Variants in LETM1 observed in about 807,000 individuals in gnomAD.
LETM1 encodes the protein leucine zipper and EF-hand containing transmembrane protein 1, also known as mitochondrial proton/calcium exchanger protein.
A neutral mutation model predicts 74.5 loss-of-function variants in LETM1; 50 were observed. The ratio of observed to expected loss-of-function variants is 0.67; its 90% CI spans 0.53 to 0.85. The LOEUF is 0.85. LETM1 is among the 40% of genes least tolerant of loss of function. LETM1 has a pLI of 0.00. For synonymous variants in LETM1, 446 were observed against 407.1 expected (o/e 1.10, Z -1.15); for missense variants, 824 against 967.8 (o/e 0.85, Z 1.97).
intron 6 of LETM1, among the ~76,000 whole-genome samples, chr4:1,827,285 T>C (rs1413467647): frequency 3.3e-5 from 5 of 150,656 alleles, no homozygotes; most frequent in Non-Finnish European, 7.4e-5. Flanking sequence ...TTTTTTTTTT[T>C]TTTTTTTTTA....
chr4:1,835,963 C>G (rs1346269511), intron 4 of LETM1, among the ~76,000 whole-genome samples: 1 of 152,164 alleles, frequency 6.6e-6, no homozygotes, highest in East Asian at 1.9e-4. Context: ...GTAGTCCCAG[C>G]TATTCGGGAG....
intron 12 of LETM1, 98 bp downstream of exon 12, chr4:1,816,629 C>A (rs539327481): frequency 9.2e-6 from 11 of 1,193,208 alleles, no homozygotes; most frequent in Admixed American, 4.3e-5. Context: ...CTACAATGTG[C>A]CCTTTGGAGC....
chr4:1,825,536 G>A (rs756578415), intron 7 of LETM1, 28 bp downstream of exon 7: 1 of 1,594,104 alleles, frequency 6.3e-7, no homozygotes, highest in East Asian at 2.3e-5. Context: ...GCCCGTGCCG[G>A]CCTGGCACCA....
Position 1,816,730 on chromosome 4 carries a change from G to C in LETM1, c.1928C>G (p.Thr643Arg). ...GKLAPANGMP[T>R]GENVISVAEL... ...CCGCGCCCACCACCCCACTCACCCC[G>C]TGGGCATGCCGTTGGCCGGGGCCAG... Residue 643 changes from threonine (T) to arginine (R), a missense_variant, in exon 12 of 14, where the codon ACG (threonine) becomes AGG (arginine). Physicochemically the swap from Thr to Arg is moderately conservative, Grantham distance 71. Around this residue, in one of 4 missense-constraint regions of LETM1, gnomAD observed 161 missense variants for 252.7 expected, o/e 0.64. Coordinates refer to ENST00000302787, the MANE Select transcript of LETM1 (RefSeq NM_012318.3). The C allele has an allele frequency of 6.2e-7, 1 of 1,613,844 alleles. No homozygotes were observed. Among genetic ancestry groups the C allele is most frequent in the Non-Finnish European group, 8.5e-7 (1 of 1,179,788 alleles).
chr4:1,821,986 G>A (rs1711795142), intron 10 of LETM1, among the ~76,000 whole-genome samples, 195 bp downstream of exon 10: 1 of 152,204 alleles, frequency 6.6e-6, no homozygotes, highest in Non-Finnish European at 1.5e-5. Flanking sequence ...GCGGAGCCCG[G>A]CCGGACTCAC....
chr4:1,824,775 G>A (rs1219152154), intron 7 of LETM1, among the ~76,000 whole-genome samples: 1 of 152,254 alleles, frequency 6.6e-6, no homozygotes, highest in Non-Finnish European at 1.5e-5. Flanking sequence ...AGCTCCAGAA[G>A]GCTGGGCAGA....
chr4:1,835,826 A>G (rs573909618), intron 4 of LETM1, among the ~76,000 whole-genome samples: 7 of 152,206 alleles, frequency 4.6e-5, no homozygotes, highest in African/African-American at 1.7e-4. Flanking sequence ...CACACCCATA[A>G]TAACACTTTG....
At chr4:1,827,950 C>T (rs1156323292) in intron 6 of LETM1, among the ~76,000 whole-genome samples, 1 of 135,582 alleles carries the variant, frequency 7.4e-6, no homozygotes, top group Non-Finnish European at 1.6e-5. Flanking sequence ...CCGGATGGGG[C>T]GGCTGGCCGG....
chr4:1,850,633 ACT>A (rs1248654921), intron 1 of LETM1, among the ~76,000 whole-genome samples: 4 of 134,558 alleles, frequency 3.0e-5, no homozygotes, highest in South Asian at 2.3e-4. Context: ...ACAGAGCAAG[ACT>A]CTGTCTCAGA....
intron 13 of LETM1, among the ~76,000 whole-genome samples, chr4:1,815,398 A>T (rs1222920051): frequency 6.6e-6 from 1 of 152,192 alleles, no homozygotes; most frequent in Admixed American, 6.5e-5. Flanking sequence ...CAGTGCCACC[A>T]GCTGGGGGCG....
chr4:1,836,579 G>A lies in LETM1; in HGVS notation c.595-7C>T. 1 of 1,613,684 alleles carries A rather than the reference G, an allele frequency of 6.2e-7. No individual in the cohort carries two copies. Among genetic ancestry groups the A allele is most frequent in the African/African-American group, 1.3e-5 (1 of 74,996 alleles). On this transcript the variant is annotated splice_polypyrimidine_tract_variant and splice_region_variant and intron_variant, in intron 3 of 13. Coordinates refer to ENST00000302787, the MANE Select transcript of LETM1 (RefSeq NM_012318.3). The surrounding 1 kb of genome is among the most constrained non-coding windows in gnomAD (Gnocchi z 5.8). ...CAGCGCAGATCCGGAGAAACTGGAA[G>A]GGGCGGAATCCATCAGAGGGGAGCA...
chr4:1,841,230 A>C, intron 3 of LETM1, 117 bp downstream of exon 3: 4 of 884,860 alleles, frequency 4.5e-6, no homozygotes, highest in Admixed American at 5.3e-5. Context: ...CTGTGGTCCC[A>C]GATACTCGGG....
At chr4:1,825,827 G>T in intron 6 of LETM1, 144 bp from the exon 7 acceptor site, 2 of 909,926 alleles carry the variant, frequency 2.2e-6, no homozygotes, top group South Asian at 3.4e-5. Context: ...TTCTAGGTTA[G>T]AAGTGACTGG....
intron 7 of LETM1, among the ~76,000 whole-genome samples, chr4:1,825,139 G>C (rs976206491): frequency 6.6e-6 from 1 of 152,192 alleles, no homozygotes; most frequent in African/African-American, 2.4e-5. Context: ...CCAGCACAGG[G>C]CGTGGCCAAG....
In LETM1 at chr4:1,826,642, G is replaced by A. The variant is rs561684337; in HGVS notation, c.1081-959C>T. Among the ~76,000 whole-genome samples the A allele has an allele frequency of 1.2e-4, 18 of 152,364 alleles. No individual in the cohort carries two copies. In the South Asian group the frequency reaches 2.7e-3, roughly 23 times the overall value. On this transcript the variant is annotated intron_variant, in intron 6 of 13. Transcript: ENST00000302787. ...CCACTGGGGGTGCTATGGGTGTGCC[G>A]GGTTAGGCCTCTCACTGCCATGCGG...
intron 10 of LETM1, 74 bp from the exon 11 acceptor site, chr4:1,819,546 C>T: frequency 6.6e-7 from 1 of 1,512,270 alleles, no homozygotes; most frequent in Non-Finnish European, 8.9e-7. Context: ...TGACCAGCTG[C>T]TCTGTTCATA....
At chr4:1,827,445 G>C (rs1712038110) in intron 6 of LETM1, among the ~76,000 whole-genome samples, 1 of 117,172 alleles carries the variant, frequency 8.5e-6, no homozygotes, top group Non-Finnish European at 1.7e-5. Flanking sequence ...GCCTTCCGCA[G>C]TGTTTGTGTC....
At chr4:1,831,354 T>G (rs1294695018) in intron 6 of LETM1, among the ~76,000 whole-genome samples, 2 of 152,196 alleles carry the variant, frequency 1.3e-5, no homozygotes, top group Non-Finnish European at 1.5e-5. Flanking sequence ...TTGCTACCGC[T>G]GGGAACGGGT....
chr4:1,819,243 A>G (rs1485341674), intron 11 of LETM1, 95 bp downstream of exon 11: 1 of 1,280,742 alleles, frequency 7.8e-7, no homozygotes, highest in Non-Finnish European at 1.1e-6. Context: ...CAGCTTATCA[A>G]GTATCTGACG....
Sources: allele counts gnomAD v4.1 joint callset (sites outside exome capture counted in the v4.1 genomes callset), GRCh38; gene constraint gnomAD v4.1.1; regional missense constraint gnomAD v4.1.1; non-coding constraint Gnocchi (gnomAD v3.1); transcripts MANE v1.5; gene names NCBI Gene and HGNC (gene_info 2026-07-23, HGNC 2026-07-21).